Variants in STXBP5L observed in about 807,000 individuals in gnomAD.
The protein encoded by STXBP5L is syntaxin-binding protein 5-like.
STXBP5L carries 65 observed loss-of-function variants against 144.5 expected under a neutral mutation model. That is an observed-to-expected ratio of 0.45 (90% CI 0.37 to 0.55). The LOEUF (loss-of-function observed/expected upper bound fraction) is 0.55. Ranked by LOEUF, STXBP5L falls within the 20% of genes least tolerant of loss-of-function variation. The pLI, the probability that STXBP5L is intolerant of heterozygous loss-of-function variation, is 0.00. For missense variants in STXBP5L, 1,298 were observed against 1,405.5 expected, an observed-to-expected ratio of 0.92 and a Z score of 1.22; for synonymous variants, 505 against 469.6, an observed-to-expected ratio of 1.08 and a Z score of -0.97.
At chr3:121,167,446 C>T (rs549552838) in intron 9 of STXBP5L, among the ~76,000 whole-genome samples, 2 of 152,260 alleles carry the variant, frequency 1.3e-5, no homozygotes, top group Admixed American at 6.5e-5. Flanking sequence ...TTAGATTTCA[C>T]CTTCTAGATG....
intron 3 of STXBP5L, among the ~76,000 whole-genome samples, chr3:120,972,773 A>C (rs1444601719): frequency 6.6e-6 from 1 of 152,228 alleles, no homozygotes; most frequent in African/African-American, 2.4e-5. Flanking sequence ...AATTGTTATC[A>C]TGAAGGGGTC....
rs189924587 is a variant in STXBP5L, at chr3:120,995,281, G to T, written c.287+40244G>T. Among the ~76,000 whole-genome samples the T allele has an allele frequency of 5.6e-4, 85 of 152,134 alleles. 1 individual carries two copies. In the East Asian group the frequency reaches 0.015, roughly 28 times the overall value. ...TTTCACTTCAGCCTCCCCAGTAGCT[G>T]GGATCGCAGGAGTGTTCCACCATGC... is the stretch of plus-strand genomic sequence containing the variant. On this transcript the variant is annotated intron_variant, in intron 3 of 26. Coordinates refer to ENST00000471454, the MANE Select transcript of STXBP5L (RefSeq NM_001308330.2).
chr3:121,174,274 G>T (rs1008908154), intron 9 of STXBP5L, among the ~76,000 whole-genome samples: 3 of 151,990 alleles, frequency 2.0e-5, no homozygotes, highest in Admixed American at 2.0e-4. Flanking sequence ...TTCTATGATA[G>T]ATTTGTATAT....
At chr3:120,992,988 A>G (rs563176843) in intron 3 of STXBP5L, among the ~76,000 whole-genome samples, 75 of 152,096 alleles carry the variant, frequency 4.9e-4, no homozygotes, top group African/African-American at 1.6e-3. Context: ...TTGATAATAG[A>G]CATTTTAACT....
At chr3:121,413,431 C>G (rs1042683763) in intron 24 of STXBP5L, 108 bp downstream of exon 24, 12 of 930,548 alleles carry the variant, frequency 1.3e-5, no homozygotes, top group African/African-American at 8.6e-5. Context: ...TTATGCCCTT[C>G]CAATAACATG....
In STXBP5L at chr3:121,202,078, AT is replaced by A. The variant is rs201052188; in HGVS notation, c.878-3839del. Among the ~76,000 whole-genome samples, 1,489 of 152,082 alleles carry A rather than the reference AT, an allele frequency of 9.8e-3. 24 individuals are homozygous for A. The highest frequency in any genetic ancestry group is 0.034 in the African/African-American group (1,406 of 41,508). On this transcript the variant is annotated intron_variant, in intron 9 of 26. Transcript: ENST00000471454. ...GCTCTTCTTCTCCTTTTTTTGTCCA[AT>A]TTTTTGTTATATGTTTTATATCTAT...
intron 3 of STXBP5L, among the ~76,000 whole-genome samples, chr3:121,032,236 T>G (rs1454805379): frequency 7.1e-6 from 1 of 141,238 alleles, no homozygotes; most frequent in African/African-American, 2.7e-5. Flanking sequence ...CAAGGGAACT[T>G]TAGAAGTGAT....
At chr3:121,098,286 C>A (rs2043232378) in intron 5 of STXBP5L, among the ~76,000 whole-genome samples, 1 of 152,138 alleles carries the variant, frequency 6.6e-6, no homozygotes, top group Non-Finnish European at 1.5e-5. Flanking sequence ...GTGAGCACCT[C>A]TGAAAGCTTA....
At chr3:120,958,518 A>G (rs969815779) in intron 3 of STXBP5L, among the ~76,000 whole-genome samples, 2 of 110,986 alleles carry the variant, frequency 1.8e-5, no homozygotes, top group Non-Finnish European at 4.0e-5. Context: ...AATATAATAC[A>G]AACCGAATCC....
At chr3:121,065,273 G>T (rs2041487289) in intron 5 of STXBP5L, among the ~76,000 whole-genome samples, 1 of 151,796 alleles carries the variant, frequency 6.6e-6, no homozygotes, top group Non-Finnish European at 1.5e-5. Context: ...GGGATTGCTG[G>T]GTCAAATGTT....
At chr3:121,097,131 A>T (rs1330760696) in intron 5 of STXBP5L, among the ~76,000 whole-genome samples, 1 of 152,056 alleles carries the variant, frequency 6.6e-6, no homozygotes, top group African/African-American at 2.4e-5. Flanking sequence ...TTACTCTGTG[A>T]GCTTAAAACT....
chr3:120,993,359 A>G (rs1943077692), intron 3 of STXBP5L, among the ~76,000 whole-genome samples: 1 of 151,844 alleles, frequency 6.6e-6, no homozygotes, highest in Non-Finnish European at 1.5e-5. Flanking sequence ...GTATGCTTTT[A>G]CAGTCTTTCT....
At chr3:121,149,752 G>T (rs914145485) in intron 7 of STXBP5L, among the ~76,000 whole-genome samples, 1 of 151,940 alleles carries the variant, frequency 6.6e-6, no homozygotes, top group Non-Finnish European at 1.5e-5. Flanking sequence ...AAATCAATAT[G>T]TGGAAAACTT....
At chr3:121,024,997 A>T (rs1263938035) in intron 3 of STXBP5L, among the ~76,000 whole-genome samples, 1 of 152,162 alleles carries the variant, frequency 6.6e-6, no homozygotes, top group Admixed American at 6.5e-5. Flanking sequence ...GTTTAAATTG[A>T]GGTCTCCAAA....
chr3:121,021,486 A>G (rs1208127478), intron 3 of STXBP5L, among the ~76,000 whole-genome samples: 2 of 152,214 alleles, frequency 1.3e-5, no homozygotes, highest in Non-Finnish European at 2.9e-5. Flanking sequence ...TAGCATATGG[A>G]ACATTCTCCA....
intron 11 of STXBP5L, among the ~76,000 whole-genome samples, chr3:121,224,429 T>A (rs1379880414): frequency 6.6e-6 from 1 of 152,180 alleles, no homozygotes; most frequent in Non-Finnish European, 1.5e-5. Context: ...AATTGTCAAA[T>A]AATTATTGAA....
intron 3 of STXBP5L, among the ~76,000 whole-genome samples, chr3:121,005,547 T>G (rs1161570842): frequency 2.6e-5 from 4 of 152,122 alleles, no homozygotes; most frequent in South Asian, 2.1e-4. Context: ...GTGTCTCTAT[T>G]TCCTTCAGTT....
At chr3:121,022,506 C>T (rs575156067) in intron 3 of STXBP5L, among the ~76,000 whole-genome samples, 2 of 152,090 alleles carry the variant, frequency 1.3e-5, no homozygotes, top group African/African-American at 4.8e-5. Flanking sequence ...TGCAAAAATC[C>T]TCAACAAAAT....
chr3:121,149,124 T>C (rs1457603740), intron 7 of STXBP5L, among the ~76,000 whole-genome samples: 2 of 152,088 alleles, frequency 1.3e-5, no homozygotes, highest in Non-Finnish European at 2.9e-5. Flanking sequence ...TTGTTTTTCT[T>C]GTATTACTTG....
Sources: gnomAD v4.1 joint callset for allele counts (sites outside exome capture counted in the v4.1 genomes callset) on GRCh38, gnomAD v4.1.1 for gene constraint, MANE v1.5 for transcripts, NCBI Gene and HGNC (gene_info 2026-07-23, HGNC 2026-07-21) for gene names.